The following CNTN3 variants were observed in gnomAD, a reference collection of about 807,000 sequenced individuals.
The protein encoded by CNTN3 is contactin-3.
In CNTN3, 60 loss-of-function variants were observed where a neutral mutation model predicts 119.1. The ratio of observed to expected loss-of-function variants is 0.50; its 90% CI spans 0.41 to 0.62. CNTN3 has a LOEUF of 0.62. Among genes scored for constraint, CNTN3 ranks in the 20% least tolerant of loss-of-function variants. The pLI is 0.00. For missense variants in CNTN3, 1,101 were observed against 1,242.4 expected (o/e 0.89, Z 1.71); for synonymous variants, 450 against 438.7 (o/e 1.03, Z -0.32).
chr3:74,497,526 A>G (rs987953998), intron 3 of CNTN3, among the ~76,000 whole-genome samples: 1 of 151,908 alleles, frequency 6.6e-6, no homozygotes, highest in Non-Finnish European at 1.5e-5. Context: ...TGTGTTTTCT[A>G]GGTCTCAATT....
At chr3:74,392,636 G>A (rs943889309) in intron 5 of CNTN3, among the ~76,000 whole-genome samples, 1 of 152,134 alleles carries the variant, frequency 6.6e-6, no homozygotes, top group African/African-American at 2.4e-5. Context: ...CTGTCCTAGG[G>A]AGCTTACATT....
At chr3:74,487,998 T>C (rs937454191) in intron 3 of CNTN3, among the ~76,000 whole-genome samples, 3 of 148,738 alleles carry the variant, frequency 2.0e-5, no homozygotes, top group Non-Finnish European at 3.0e-5. Flanking sequence ...TACATAATTA[T>C]TTTATATATT....
intron 4 of CNTN3, among the ~76,000 whole-genome samples, chr3:74,460,071 T>A (rs1185465580): frequency 6.6e-6 from 1 of 151,844 alleles, no homozygotes; most frequent in Non-Finnish European, 1.5e-5. Flanking sequence ...TAGTTGAGAA[T>A]ATATGTGTGG....
chr3:74,500,503 T>A, intron 2 of CNTN3, among the ~76,000 whole-genome samples: 1 of 90,826 alleles, frequency 1.1e-5, no homozygotes, highest in Admixed American at 1.2e-4. Flanking sequence ...ACAAACAAAT[T>A]CGCCCAAAAA....
At chr3:74,445,354 C>T (rs2106936102) in intron 4 of CNTN3, among the ~76,000 whole-genome samples, 1 of 152,156 alleles carries the variant, frequency 6.6e-6, no homozygotes, top group African/African-American at 2.4e-5. Context: ...CCTCCACCTC[C>T]CAGGATCAAC....
At chr3:74,423,451 C>T (rs1262391340) in intron 5 of CNTN3, among the ~76,000 whole-genome samples, 1 of 152,116 alleles carries the variant, frequency 6.6e-6, no homozygotes, top group Non-Finnish European at 1.5e-5. Flanking sequence ...TGTCTCTCTG[C>T]AGCTGGGGCA....
chr3:74,556,679 G>A (rs1396362885), intron 1 of CNTN3, among the ~76,000 whole-genome samples: 2 of 152,004 alleles, frequency 1.3e-5, no homozygotes, highest in East Asian at 3.9e-4. Flanking sequence ...TACTTCATAT[G>A]GGACCTCTAT....
intron 5 of CNTN3, among the ~76,000 whole-genome samples, chr3:74,390,936 C>T (rs528387215): frequency 1.8e-4 from 28 of 152,216 alleles, no homozygotes; most frequent in East Asian, 5.8e-4. Flanking sequence ...TACATTTATT[C>T]GTTTTTCTGC....
chr3:74,451,826 G>T (rs1226623247), intron 4 of CNTN3, among the ~76,000 whole-genome samples: 6 of 150,162 alleles, frequency 4.0e-5, no homozygotes, highest in African/African-American at 1.2e-4. Flanking sequence ...GATAGTTGTA[G>T]ATATGCGGCA....
chr3:74,358,779 G>C (rs1323479120), intron 11 of CNTN3, among the ~76,000 whole-genome samples: 1 of 100,460 alleles, frequency 1.0e-5, no homozygotes, highest in Non-Finnish European at 1.8e-5. Flanking sequence ...CCCCACAACA[G>C]TCCCCAGAGT....
intron 10 of CNTN3, among the ~76,000 whole-genome samples, chr3:74,363,738 A>G (rs533882309): frequency 1.3e-5 from 2 of 152,230 alleles, no homozygotes; most frequent in South Asian, 4.1e-4. Context: ...AATAGTGATG[A>G]TATTTGAACA....
At chr3:74,490,020 T>C (rs2107054397) in intron 3 of CNTN3, among the ~76,000 whole-genome samples, 1 of 152,290 alleles carries the variant, frequency 6.6e-6, no homozygotes, top group South Asian at 2.1e-4. Flanking sequence ...GTTGGTTCTA[T>C]GTTCGATTGA....
At chr3:74,446,912 T>A (rs1260543012) in intron 4 of CNTN3, among the ~76,000 whole-genome samples, 1 of 152,188 alleles carries the variant, frequency 6.6e-6, no homozygotes, top group African/African-American at 2.4e-5. Context: ...CTCCCTAATA[T>A]GTTCTGTACA....
intron 4 of CNTN3, among the ~76,000 whole-genome samples, chr3:74,432,466 C>A (rs1430554267): frequency 6.6e-6 from 1 of 151,830 alleles, no homozygotes; most frequent in Non-Finnish European, 1.5e-5. Flanking sequence ...GCATTCGAAG[C>A]CACCATAGGC....
At chr3:74,541,084 T>A (rs1703836466) in intron 1 of CNTN3, among the ~76,000 whole-genome samples, 1 of 152,130 alleles carries the variant, frequency 6.6e-6, no homozygotes, top group African/African-American at 2.4e-5. Flanking sequence ...GGGTATCAAG[T>A]GTTCATGAGT....
intron 5 of CNTN3, among the ~76,000 whole-genome samples, chr3:74,382,165 A>C (rs1171320303): frequency 6.6e-6 from 1 of 152,034 alleles, no homozygotes; most frequent in Non-Finnish European, 1.5e-5. Context: ...CTGAGATCGC[A>C]CCTTTGAACT....
At chr3:74,289,332 C>T (rs1702179799) in intron 19 of CNTN3, among the ~76,000 whole-genome samples, 1 of 152,134 alleles carries the variant, frequency 6.6e-6, no homozygotes, top group Non-Finnish European at 1.5e-5. Context: ...TGTATTCATG[C>T]TACATTTGGA....
intron 2 of CNTN3, among the ~76,000 whole-genome samples, chr3:74,517,551 A>G (rs756315611): frequency 7.9e-5 from 12 of 151,910 alleles, no homozygotes; most frequent in East Asian, 3.9e-4. Context: ...ACGGACCTCA[A>G]TGTATTTTCT....
intron 13 of CNTN3, among the ~76,000 whole-genome samples, chr3:74,317,292 A>G (rs1234008986): frequency 6.7e-6 from 1 of 150,042 alleles, no homozygotes; most frequent in Non-Finnish European, 1.5e-5. Flanking sequence ...TCTTTATCCA[A>G]CTTGCCAGTC....
Sources: gnomAD v4.1 joint callset for allele counts (sites outside exome capture counted in the v4.1 genomes callset) on GRCh38, gnomAD v4.1.1 for gene constraint, MANE v1.5 for transcripts, NCBI Gene and HGNC (gene_info 2026-07-23, HGNC 2026-07-21) for gene names.